RPAP2: variants seen among roughly 807,000 people sequenced by gnomAD.
RPAP2 encodes RNA polymerase II associated protein 2.
In RPAP2, 52 loss-of-function variants were observed where a neutral mutation model predicts 73.1. The ratio of observed to expected loss-of-function variants is 0.71; its 90% CI spans 0.57 to 0.90. The LOEUF (loss-of-function observed/expected upper bound fraction) is 0.90. Among genes scored for constraint, RPAP2 ranks in the 40% least tolerant of loss-of-function variants. RPAP2 has a pLI of 0.00. For synonymous variants in RPAP2, 225 were observed against 242.1 expected, an observed-to-expected ratio of 0.93 and a Z score of 0.65; for missense variants, 598 against 701.8, an observed-to-expected ratio of 0.85 and a Z score of 1.67.
In RPAP2 at chr1:92,387,138, T is replaced by A; in HGVS notation, c.*127T>A. ...CAAGACATACCTTTACCTCTTTAAG[T>A]TTCAATCTCCCATCTCCCAGTCCTT... On this transcript the variant is annotated 3_prime_UTR_variant, in exon 13 of 13. Coordinates refer to ENST00000610020, the MANE Select transcript of RPAP2 (RefSeq NM_024813.3). The A allele has an allele frequency of 1.1e-6, 1 of 950,130 alleles. No individual in the cohort carries two copies. 58.9% of individuals were successfully genotyped at this position (950,130 alleles called of 1,614,324 possible).
At chr1:92,384,564 C>T (rs1031355185) in intron 12 of RPAP2, among the ~76,000 whole-genome samples, 5 of 149,798 alleles carry the variant, frequency 3.3e-5, no homozygotes, top group African/African-American at 1.2e-4. Context: ...GTGGAGGTCG[C>T]AGTGAGCCGA....
In RPAP2 at chr1:92,389,501, A is replaced by T. The variant is rs1655975814; in HGVS notation, c.*2490A>T. 6.6e-6 allele frequency: 1 copy of T among 152,194 alleles called. No homozygotes were observed. The highest frequency in any genetic ancestry group is 2.4e-5 in the African/African-American group (1 of 41,456). 9.4% of individuals were successfully genotyped at this position (152,194 alleles called of 1,614,324 possible). ...TGCCTCTTCTCCTCCAAAGGAACACAACTCCTTGCCAGCAAGGGAACAAAA... is the reference window on the plus strand; with the variant it reads ...TGCCTCTTCTCCTCCAAAGGAACACTACTCCTTGCCAGCAAGGGAACAAAA... On this transcript the variant is annotated 3_prime_UTR_variant, in exon 13 of 13. Transcript: ENST00000610020.
Position 92,380,807 on chromosome 1 carries a change from T to TA in RPAP2, c.1773dup (p.His592ThrfsTer5). The TA allele has an allele frequency of 6.2e-7, 1 of 1,608,196 alleles. No individual in the cohort carries two copies. On this transcript the variant is annotated frameshift_variant, in exon 12 of 13. Transcript: ENST00000610020. LOFTEE classifies it high-confidence loss of function. ...TTTCTAGACACCCTCCTTGAAGAAT[T>TA]ACATCTAAAAAATGAAGACCTTGAA... is the stretch of plus-strand genomic sequence containing the variant.
chr1:92,336,979 C>G (rs1417093328), intron 10 of RPAP2, among the ~76,000 whole-genome samples: 1 of 151,990 alleles, frequency 6.6e-6, no homozygotes, highest in Non-Finnish European at 1.5e-5. Context: ...CTAAAACTAT[C>G]AAGATAAAAA....
intron 6 of RPAP2, among the ~76,000 whole-genome samples, chr1:92,309,214 G>T (rs961465409): frequency 6.6e-6 from 1 of 152,002 alleles, no homozygotes; most frequent in Non-Finnish European, 1.5e-5. Flanking sequence ...GAGGCCGAGG[G>T]GGGCAGATCA....
chr1:92,327,200 A>C (rs1349222025), intron 8 of RPAP2, among the ~76,000 whole-genome samples: 1 of 152,156 alleles, frequency 6.6e-6, no homozygotes, highest in Non-Finnish European at 1.5e-5. Flanking sequence ...TTCATTGTTG[A>C]CCTAGTGATC....
At position 92,394,654 on chromosome 1, in the gene RPAP2, AAAAAAG is replaced by A. The variant is rs1656140506; in HGVS notation, c.*7655_*7660del. 1.3e-5 allele frequency: 2 copies of A among 152,172 alleles called. No individual in the cohort carries two copies. Among genetic ancestry groups the A allele is most frequent in the African/African-American group, 2.4e-5 (1 of 41,426 alleles). 9.4% of individuals were successfully genotyped at this position (152,172 alleles called of 1,614,324 possible). On this transcript the variant is annotated 3_prime_UTR_variant, in exon 13 of 13. Coordinates refer to ENST00000610020, the MANE Select transcript of RPAP2 (RefSeq NM_024813.3). ...GGCAACAGAGCAAGACCCTGTCTCA[AAAAAAG>A]AAAAAGAAAAATTCAGAGAGATTAA...
At chr1:92,321,540 T>C (rs1266763640) in intron 7 of RPAP2, among the ~76,000 whole-genome samples, 1 of 152,142 alleles carries the variant, frequency 6.6e-6, no homozygotes, top group Non-Finnish European at 1.5e-5. Flanking sequence ...TCCTGATCTT[T>C]TAAAGTTTTG....
rs536402942 is a variant in RPAP2, at chr1:92,394,465, A to G, written c.*7454A>G. ...GTTCTGCACATGTAACCCAGAACTT[A>G]AAGTATAATAAAAAAAATAATTATT... On this transcript the variant is annotated 3_prime_UTR_variant, in exon 13 of 13. Transcript: ENST00000610020. The G allele has an allele frequency of 2.6e-5, 4 of 152,306 alleles. No individual in the cohort carries two copies. Among genetic ancestry groups the G allele is most frequent in the African/African-American group, 9.6e-5 (4 of 41,572 alleles). The allele number at this position is 152,306 out of a possible 1,614,324, so 9.4% of individuals were successfully genotyped here. A position where few individuals can be genotyped will look rare whatever the true frequency, so the allele number is the denominator to read the frequency against.
chr1:92,324,702 G>A (rs765576655), intron 8 of RPAP2, among the ~76,000 whole-genome samples: 21 of 151,808 alleles, frequency 1.4e-4, no homozygotes, highest in Admixed American at 6.6e-4. Context: ...TTTCTTCTTC[G>A]GTATTCTTTC....
rs1412026861 is a variant in RPAP2 at position 92,394,818 on chromosome 1, A to G, written c.*7807A>G. On this transcript the variant is annotated 3_prime_UTR_variant, in exon 13 of 13. Coordinates refer to ENST00000610020, the MANE Select transcript of RPAP2 (RefSeq NM_024813.3). ...AAATCACAGCAGGCTTTTTTGAAAA[A>G]TTGACAAGCCAATCTTAAAATCTGT... 1 of 152,202 alleles carries G rather than the reference A, an allele frequency of 6.6e-6. No individual in the cohort carries two copies. The highest frequency in any genetic ancestry group is 2.4e-5 in the African/African-American group (1 of 41,458). 9.4% of individuals were successfully genotyped at this position (152,202 alleles called of 1,614,324 possible).
At chr1:92,359,430 C>T (rs1187569708) in intron 11 of RPAP2, among the ~76,000 whole-genome samples, 4 of 152,234 alleles carry the variant, frequency 2.6e-5, no homozygotes, top group Admixed American at 6.5e-5. Context: ...AGCAATTCTC[C>T]GGCCTCAGCC....
rs998446628 is a variant in RPAP2, at chr1:92,393,992, T to C, written c.*6981T>C. 6.6e-6 allele frequency: 1 copy of C among 152,150 alleles called. No individual in the cohort carries two copies. Among genetic ancestry groups the C allele is most frequent in the Non-Finnish European group, 1.5e-5 (1 of 68,028 alleles). The allele number at this position is 152,150 out of a possible 1,614,324, so 9.4% of individuals were successfully genotyped here. On this transcript the variant is annotated 3_prime_UTR_variant, in exon 13 of 13. Transcript: ENST00000610020. ...CACTATTGGGCATATACCCAAAAGA[T>C]TATAAATCATTCTACAATAAAGACA...
rs2101471360 is a variant in RPAP2, at chr1:92,394,518, T to A, written c.*7507T>A. The stretch of plus-strand genomic sequence containing the variant: ...ATTTTAAAAAACTAGCCAGGCATGG[T>A]GCTGCACACCTGTAGTCCCAGCTAC... On this transcript the variant is annotated 3_prime_UTR_variant, in exon 13 of 13. Coordinates refer to ENST00000610020, the MANE Select transcript of RPAP2 (RefSeq NM_024813.3). 6.6e-6 allele frequency: 1 copy of A among 152,164 alleles called. No homozygotes were observed. Among genetic ancestry groups the A allele is most frequent in the South Asian group, 2.1e-4 (1 of 4,814 alleles). The allele number at this position is 152,164 out of a possible 1,614,324, so 9.4% of individuals were successfully genotyped here. A position where few individuals can be genotyped will look rare whatever the true frequency, so the allele number is the denominator to read the frequency against.
chr1:92,373,646 A>T (rs937639753), intron 11 of RPAP2, among the ~76,000 whole-genome samples: 5 of 148,912 alleles, frequency 3.4e-5, no homozygotes, highest in African/African-American at 1.2e-4. Context: ...CTGTAATCCT[A>T]GCACTTTGGG....
chr1:92,304,132 A>G, intron 4 of RPAP2, 57 bp downstream of exon 4: 1 of 1,356,708 alleles, frequency 7.4e-7, no homozygotes, highest in South Asian at 1.3e-5. Flanking sequence ...TTAGCAAAAT[A>G]CTTTGTTGTA....
intron 7 of RPAP2, among the ~76,000 whole-genome samples, chr1:92,322,987 A>G (rs1023609207): frequency 6.8e-6 from 1 of 147,192 alleles, no homozygotes; most frequent in Non-Finnish European, 1.5e-5. Flanking sequence ...TATATTATAT[A>G]TGTAAATATG....
chr1:92,314,355 T>G (rs1651782199), intron 6 of RPAP2, among the ~76,000 whole-genome samples: 1 of 151,906 alleles, frequency 6.6e-6, no homozygotes, highest in Non-Finnish European at 1.5e-5. Flanking sequence ...TTTTGGGTTT[T>G]TTTTTTTTTG....
intron 11 of RPAP2, among the ~76,000 whole-genome samples, chr1:92,347,531 T>C (rs1159274014): frequency 6.6e-6 from 1 of 152,244 alleles, no homozygotes. Flanking sequence ...TCATGAGCAC[T>C]GCTTACTGAA....
Sources: gnomAD v4.1 joint callset for allele counts (sites outside exome capture counted in the v4.1 genomes callset) on GRCh38, gnomAD v4.1.1 for gene constraint, MANE v1.5 for transcripts, NCBI Gene and HGNC (gene_info 2026-07-23, HGNC 2026-07-21) for gene names.